SLC15A1: variants seen among roughly 807,000 people sequenced by gnomAD.
SLC15A1 encodes the protein solute carrier family 15 member 1, also known as Caco-2 oligopeptide transporter.
SLC15A1 carries 83 observed loss-of-function variants against 92.9 expected under a neutral mutation model. The observed-to-expected ratio is 0.89, with a 90% CI of 0.75 to 1.07. The LOEUF is 1.07. Ranked by LOEUF, SLC15A1 falls within the 50% of genes least tolerant of loss-of-function variation. The pLI, the probability that SLC15A1 is intolerant of heterozygous loss-of-function variation, is 0.00. For synonymous variants in SLC15A1, 322 were observed against 318.2 expected (o/e 1.01, Z -0.13); for missense variants, 857 against 880.1 (o/e 0.97, Z 0.33).
At chr13:98,726,607 A>G in intron 2 of SLC15A1, 158 bp from the exon 3 acceptor site, 3 of 774,960 alleles carry the variant, frequency 3.9e-6, no homozygotes, top group Non-Finnish European at 6.8e-6. Flanking sequence ...TTTATTCCCT[A>G]CACTAATCCT....
At chr13:98,719,643 G>T (rs1302751441) in intron 7 of SLC15A1, among the ~76,000 whole-genome samples, 1 of 152,060 alleles carries the variant, frequency 6.6e-6, no homozygotes, top group Non-Finnish European at 1.5e-5. Flanking sequence ...TGATTATATG[G>T]GACTCAGTAA....
rs2088148685 is a variant in SLC15A1, at chr13:98,710,033, T to C, written c.901-122A>G. The C allele has an allele frequency of 3.3e-6, 3 of 907,868 alleles. No individual in the cohort carries two copies. The South Asian group carries it at 4.5e-5, about 13-fold the overall frequency. 56.2% of individuals were successfully genotyped at this position (907,868 alleles called of 1,614,324 possible). A position where few individuals can be genotyped will look rare whatever the true frequency, so the allele number is the denominator to read the frequency against. ...TGACATGTTATGGGATTTAAAGTTG[T>C]TTTAAACATCAAGTTAATCTCCCAG... On this transcript the variant is annotated intron_variant, in intron 11 of 22. Transcript: ENST00000376503.
At chr13:98,705,535 C>T (rs1478072364) in intron 16 of SLC15A1, among the ~76,000 whole-genome samples, 3 of 152,176 alleles carry the variant, frequency 2.0e-5, no homozygotes, top group African/African-American at 4.8e-5. Context: ...TGGTTCCAGG[C>T]TCCAGCAGCA....
chr13:98,733,273 C>G (rs1222658440), intron 1 of SLC15A1, among the ~76,000 whole-genome samples: 1 of 152,200 alleles, frequency 6.6e-6, no homozygotes, highest in African/African-American at 2.4e-5. Flanking sequence ...TTTGTTACAG[C>G]AGTAATTAGA....
intron 8 of SLC15A1, among the ~76,000 whole-genome samples, chr13:98,717,527 A>T (rs1346078868): frequency 6.6e-6 from 1 of 152,230 alleles, no homozygotes; most frequent in East Asian, 1.9e-4. Flanking sequence ...AACGTGCTTA[A>T]TACAGTGTCT....
rs371382995 is a variant in SLC15A1, at chr13:98,688,228, C to T, written c.1683+20G>A. The T allele has an allele frequency of 2.0e-6, 3 of 1,507,722 alleles. No individual in the cohort carries two copies. Among genetic ancestry groups the T allele is most frequent in the Non-Finnish European group, 2.8e-6 (3 of 1,086,916 alleles). 93.4% of individuals were successfully genotyped at this position (1,507,722 alleles called of 1,614,324 possible). A position where few individuals can be genotyped will look rare whatever the true frequency, so the allele number is the denominator to read the frequency against. Reference sequence around the variant, plus strand: ...TCGAGTATGAGCAGATCTTCTGATACAATGAAACGAGTTACTAACCTTCCT... The same window carrying T: ...TCGAGTATGAGCAGATCTTCTGATATAATGAAACGAGTTACTAACCTTCCT... On this transcript the variant is annotated intron_variant, in intron 20 of 22. Coordinates refer to ENST00000376503, the MANE Select transcript of SLC15A1 (RefSeq NM_005073.4).
chr13:98,751,128 TACTA>T (rs551368475), intron 1 of SLC15A1, among the ~76,000 whole-genome samples: 2 of 152,218 alleles, frequency 1.3e-5, no homozygotes, highest in South Asian at 2.1e-4. Flanking sequence ...TTTTTTCATT[TACTA>T]ACTAACCCTT....
Position 98,719,221 on chromosome 13 carries a change from A to G in SLC15A1, c.640+16T>C, listed in dbSNP as rs1191373258. 3 of 1,600,970 alleles carry G rather than the reference A, an allele frequency of 1.9e-6. No homozygotes were observed. Among genetic ancestry groups the G allele is most frequent in the African/African-American group, 2.7e-5 (2 of 74,572 alleles). ...CTGGTCCTAGGCTTCTATTAATTCA[A>G]CCGATTTCCACTTACTCAGGGCTAC... On this transcript the variant is annotated intron_variant, in intron 8 of 22. Coordinates refer to ENST00000376503, the MANE Select transcript of SLC15A1 (RefSeq NM_005073.4).
At chr13:98,710,808 C>CAA (rs4646225) in intron 11 of SLC15A1, among the ~76,000 whole-genome samples, 1,188 of 71,316 alleles carry the variant, frequency 0.017, 49 homozygotes, top group African/African-American at 0.048. Flanking sequence ...ACTCTTGACT[C>CAA]AAAAAAAAAA....
chr13:98,700,645 T>A (rs1192770973), intron 18 of SLC15A1, among the ~76,000 whole-genome samples: 3 of 152,160 alleles, frequency 2.0e-5, no homozygotes, highest in Middle Eastern at 3.2e-3. Flanking sequence ...TTTTATAGTT[T>A]TACATTTTAC....
chr13:98,745,276 A>C (rs2139613761), intron 1 of SLC15A1, among the ~76,000 whole-genome samples: 1 of 152,348 alleles, frequency 6.6e-6, no homozygotes, highest in Non-Finnish European at 1.5e-5. Context: ...ATCCGAGCTG[A>C]GGACCATGGT....
intron 1 of SLC15A1, among the ~76,000 whole-genome samples, chr13:98,732,567 A>G (rs2088359757): frequency 6.6e-6 from 1 of 152,134 alleles, no homozygotes; most frequent in Non-Finnish European, 1.5e-5. Context: ...TATATAAAGC[A>G]TGCTCCATAT....
At position 98,743,447 on chromosome 13, in the gene SLC15A1, C is replaced by A. The variant is rs921457607; in HGVS notation, c.4+9148G>T. Among the ~76,000 whole-genome samples, 15 of 152,212 alleles carry A rather than the reference C, an allele frequency of 9.9e-5. No homozygotes were observed. The East Asian group carries it at 1.3e-3, about 14-fold the overall frequency. On this transcript the variant is annotated intron_variant, in intron 1 of 22. Coordinates refer to ENST00000376503, the MANE Select transcript of SLC15A1 (RefSeq NM_005073.4). Reference sequence around the variant, plus strand: ...ATGAATCTTTGAACGCCATTCCTGTCCTCCTTCAGGAAGAAATGATCTCTC... The same window carrying A: ...ATGAATCTTTGAACGCCATTCCTGTACTCCTTCAGGAAGAAATGATCTCTC...
intron 18 of SLC15A1, among the ~76,000 whole-genome samples, chr13:98,693,018 C>T (rs2087992779): frequency 6.6e-6 from 1 of 150,980 alleles, no homozygotes; most frequent in Admixed American, 6.6e-5. Flanking sequence ...GGATTATAGG[C>T]ATGAGCCACC....
Position 98,686,237 on chromosome 13 carries a change from T to C in SLC15A1, c.1888A>G (p.Asn630Asp). 2 of 1,613,840 alleles carry C rather than the reference T, an allele frequency of 1.2e-6. No homozygotes were observed. The highest frequency in any genetic ancestry group is 1.7e-6 in the Non-Finnish European group (2 of 1,179,942). The change falls in exon 22 of 23, where the codon AAC (asparagine) becomes GAC (aspartate). Residue 630 changes from asparagine (N) to aspartate (D), a missense_variant. Physicochemically the swap from Asn to Asp is conservative, Grantham distance 23 (BLOSUM62 1). Coordinates refer to ENST00000376503, the MANE Select transcript of SLC15A1 (RefSeq NM_005073.4). ...CCTGCCACGATGAGCACAATGATGT[T>C]GCCAACAGCCACGGTCAGCAGCCAT... ...AGWLLTVAVG[N>D]IIVLIVAGAG...
intron 8 of SLC15A1, among the ~76,000 whole-genome samples, 164 bp downstream of exon 8, chr13:98,719,073 C>A (rs1355240731): frequency 3.3e-5 from 5 of 152,150 alleles, no homozygotes; most frequent in Admixed American, 1.3e-4. Context: ...TGTGCCAATC[C>A]TACTTTCTTT....
chr13:98,720,257 T>G (rs1299967070), intron 7 of SLC15A1, among the ~76,000 whole-genome samples: 1 of 152,246 alleles, frequency 6.6e-6, no homozygotes, highest in East Asian at 1.9e-4. Context: ...ATTAACAAGT[T>G]ACATAAAATT....
At chr13:98,688,648 C>A in intron 18 of SLC15A1, 71 bp from the exon 19 acceptor site, 1 of 1,117,334 alleles carries the variant, frequency 8.9e-7, no homozygotes, top group Non-Finnish European at 1.3e-6. Flanking sequence ...GTACATGCAC[C>A]TGAAGTTGGG....
At chr13:98,726,884 A>G in intron 1 of SLC15A1, 25 bp from the exon 2 acceptor site, 2 of 1,612,680 alleles carry the variant, frequency 1.2e-6, no homozygotes, top group Non-Finnish European at 8.5e-7. Context: ...GAATCCCAAT[A>G]TTAAAGTCAA....
Sources: gnomAD v4.1 joint callset for allele counts (sites outside exome capture counted in the v4.1 genomes callset) on GRCh38, gnomAD v4.1.1 for gene constraint, MANE v1.5 for transcripts, NCBI Gene and HGNC (gene_info 2026-07-23, HGNC 2026-07-21) for gene names.